Variants in COL20A1 observed in about 807,000 individuals in gnomAD.
COL20A1 encodes collagen alpha-1(XX) chain.
In COL20A1, 164 loss-of-function variants were observed where a neutral mutation model predicts 152.9. The ratio of observed to expected loss-of-function variants is 1.07; its 90% CI spans 0.94 to 1.22. COL20A1 has a LOEUF of 1.22. Ranked by LOEUF, COL20A1 falls within the 50% of genes most tolerant of loss-of-function variation. The pLI is 0.00. For missense variants in COL20A1, 1,873 were observed against 1,744.8 expected, an observed-to-expected ratio of 1.07 and a Z score of -1.31; for synonymous variants, 864 against 756.0, an observed-to-expected ratio of 1.14 and a Z score of -2.34.
At position 63,319,584 on chromosome 20, in the gene COL20A1, G is replaced by T. The variant is rs1010994825; in HGVS notation, c.2904G>T (p.Gly968=). 5 of 1,579,960 alleles carry T rather than the reference G, an allele frequency of 3.2e-6. No individual in the cohort carries two copies. The South Asian group carries it at 3.5e-5, about 11-fold the overall frequency. Residue 968 remains glycine, a synonymous_variant, in exon 23 of 36, where the codon GGG becomes GGT. Coordinates refer to ENST00000358894, the MANE Select transcript of COL20A1 (RefSeq NM_020882.4). This position sits in a 1 kb window ranked among gnomAD's most constrained non-coding sequence, Gnocchi z 4.4. ...AGGAAGTGAGGAAGATTTTCTTCGG[G>T]AGCTTCCACAAGGTCCTGGTGCAGC... The part of the protein sequence containing the change: ...DPQEVRKIFF[G]SFHKVHVAVG...
At chr20:63,309,697 G>T in intron 9 of COL20A1, 61 bp from the exon 10 acceptor site, 1 of 1,427,790 alleles carries the variant, frequency 7.0e-7, no homozygotes, top group Non-Finnish European at 9.4e-7. Context: ...CCACCAGGGG[G>T]AGCGTGGACA....
Position 63,311,260 on chromosome 20 carries a change from G to A in COL20A1, c.1394-134G>A. 1.0e-6 allele frequency: 1 copy of A among 1,004,114 alleles called. No homozygotes were observed. Among genetic ancestry groups the A allele is most frequent in the South Asian group, 1.7e-5 (1 of 58,542 alleles). The allele number at this position is 1,004,114 out of a possible 1,614,324, so 62.2% of individuals were successfully genotyped here. ...AAACCTTGGCCCAAGGTGAAGCCTGGGAAGTGCCACTTTGAATCCTGTGCA... is the reference window on the plus strand; with the variant it reads ...AAACCTTGGCCCAAGGTGAAGCCTGAGAAGTGCCACTTTGAATCCTGTGCA... On this transcript the variant is annotated intron_variant, in intron 11 of 35. Coordinates refer to ENST00000358894, the MANE Select transcript of COL20A1 (RefSeq NM_020882.4). The surrounding 1 kb of genome is among the most constrained non-coding windows in gnomAD (Gnocchi z 4.4).
chr20:63,315,415 C>G lies in COL20A1; in HGVS notation c.2500C>G (p.Leu834Val). Residue 834 changes from leucine (L) to valine (V), a missense_variant, in exon 20 of 36, where the codon CTC becomes GTC. Physicochemically the swap from Leu to Val is conservative, Grantham distance 32. Transcript: ENST00000358894. The stretch of plus-strand genomic sequence containing the variant: ...TCTCCTCTCAGCAGCCTGCCCAGCC[C>G]TCCGCCCTGACGGCTCCCTCCCAGG... ...SATGQTACPA[L>V]RPDGSLPGFD... The G allele has an allele frequency of 6.3e-7, 1 of 1,578,518 alleles. No individual in the cohort carries two copies. The highest frequency in any genetic ancestry group is 1.2e-5 in the South Asian group (1 of 86,324).
In COL20A1 at chr20:63,308,445, G is replaced by C. The variant is rs111607653; in HGVS notation, c.776-97G>C. Reference sequence around the variant, plus strand: ...CGGGGCCTCCTGATACCCCACAAGGGAAGGAGAGGAGCATCTCTGCTGTCC... The same window carrying C: ...CGGGGCCTCCTGATACCCCACAAGGCAAGGAGAGGAGCATCTCTGCTGTCC... On this transcript the variant is annotated intron_variant, in intron 7 of 35. Transcript: ENST00000358894. 2.5e-6 allele frequency: 3 copies of C among 1,209,836 alleles called. No homozygotes were observed. In the African/African-American group the frequency reaches 4.6e-5, roughly 19 times the overall value. 74.9% of individuals were successfully genotyped at this position (1,209,836 alleles called of 1,614,324 possible). A position where few individuals can be genotyped will look rare whatever the true frequency, so the allele number is the denominator to read the frequency against.
chr20:63,312,022 C>G lies in COL20A1; in HGVS notation c.1770C>G (p.Thr590=). Residue 590 remains threonine (T), a synonymous_variant, in exon 14 of 36, where the codon ACC becomes ACG. Transcript: ENST00000358894. ...GGCCTGTGCGCCTGGTCAGGGTCAC[C>G]TATGTGTCCAGCGAGGGTGGACACT... The part of the protein sequence containing the change: ...APRPVRLVRV[T]YVSSEGGHSG... 6.2e-7 allele frequency: 1 copy of G among 1,602,604 alleles called. No homozygotes were observed. The highest frequency in any genetic ancestry group is 1.8e-4 in the Middle Eastern group (1 of 5,412).
chr20:63,302,067 T>A (rs1267648988), intron 3 of COL20A1, among the ~76,000 whole-genome samples: 1 of 152,222 alleles, frequency 6.6e-6, no homozygotes, highest in East Asian at 1.9e-4. Context: ...GTTTTCATGA[T>A]GCAGCTTTCA....
intron 21 of COL20A1, among the ~76,000 whole-genome samples, chr20:63,318,720 C>T (rs1333953909): frequency 1.3e-5 from 2 of 152,124 alleles, no homozygotes; most frequent in Non-Finnish European, 2.9e-5. Context: ...GGGCCTGGCG[C>T]CTCCAAGTAC....
intron 1 of COL20A1, among the ~76,000 whole-genome samples, chr20:63,293,654 G>A (rs559953368): frequency 6.6e-6 from 1 of 152,140 alleles, no homozygotes; most frequent in South Asian, 2.1e-4. Flanking sequence ...CCAGGGACTT[G>A]GGGGCACTCG....
intron 11 of COL20A1, among the ~76,000 whole-genome samples, chr20:63,310,835 A>AC (rs1733695600): frequency 6.6e-6 from 1 of 151,430 alleles, no homozygotes; most frequent in Non-Finnish European, 1.5e-5. Flanking sequence ...GGGTTCTTGG[A>AC]CCCCCAGGGA....
chr20:63,311,605 G>T lies in COL20A1; in HGVS notation c.1540-20G>T, dbSNP rs1006356216. 2 of 1,610,510 alleles carry T rather than the reference G, an allele frequency of 1.2e-6. No homozygotes were observed. The highest frequency in any genetic ancestry group is 3.3e-5 in the Admixed American group (2 of 59,976). ...GGGCAGAGCGAGTGGGGGCTGGCCTGGGACGTCATGTCTCTGCAGGTGCAG... is the reference window on the plus strand; with the variant it reads ...GGGCAGAGCGAGTGGGGGCTGGCCTTGGACGTCATGTCTCTGCAGGTGCAG... On this transcript the variant is annotated intron_variant, in intron 12 of 35. Transcript: ENST00000358894. The surrounding 1 kb of genome is among the most constrained non-coding windows in gnomAD (Gnocchi z 4.4).
Position 63,325,538 on chromosome 20 carries a change from G to C in COL20A1, c.3348+44G>C, listed in dbSNP as rs1337787271. On this transcript the variant is annotated intron_variant, in intron 28 of 35. Coordinates refer to ENST00000358894, the MANE Select transcript of COL20A1 (RefSeq NM_020882.4). ...GGGGGCCACAGGGGTTGGTGGGGGTGGGGGAAGGACAGGGATGGAGATGGG... is the reference window on the plus strand; with the variant it reads ...GGGGGCCACAGGGGTTGGTGGGGGTCGGGGAAGGACAGGGATGGAGATGGG... 1.9e-6 allele frequency: 3 copies of C among 1,589,972 alleles called. No individual in the cohort carries two copies. The Admixed American group carries it at 5.0e-5, about 27-fold the overall frequency.
intron 6 of COL20A1, 77 bp downstream of exon 6, chr20:63,307,725 G>C: frequency 6.6e-7 from 1 of 1,508,376 alleles, no homozygotes; most frequent in Non-Finnish European, 9.0e-7. Context: ...GCTGTGACCT[G>C]TGGGGGTCCC....
Position 63,311,806 on chromosome 20 carries a change from G to C in COL20A1, c.1663+58G>C. On this transcript the variant is annotated intron_variant, in intron 13 of 35. Transcript: ENST00000358894. This position sits in a 1 kb window ranked among gnomAD's most constrained non-coding sequence, Gnocchi z 4.4. ...GGCGGGTGCCCCATCTTGTTCCTCA[G>C]CCTTCCATGGCATGGGAGACCTCAG... 1.3e-6 allele frequency: 2 copies of C among 1,541,608 alleles called. No homozygotes were observed. Among genetic ancestry groups the C allele is most frequent in the Non-Finnish European group, 1.7e-6 (2 of 1,149,300 alleles).
At chr20:63,307,788 G>T in intron 6 of COL20A1, 140 bp downstream of exon 6, 1 of 1,188,272 alleles carries the variant, frequency 8.4e-7, no homozygotes. Context: ...TCCACATGGG[G>T]TGTTCTGGGG....
chr20:63,310,312 A>C, intron 10 of COL20A1, 69 bp from the exon 11 acceptor site: 4 of 1,547,682 alleles, frequency 2.6e-6, no homozygotes, highest in Non-Finnish European at 3.5e-6. Context: ...CAGCTGACGG[A>C]GTTCCTGTCC....
chr20:63,300,987 C>T (rs2067856183), intron 3 of COL20A1, among the ~76,000 whole-genome samples: 1 of 152,158 alleles, frequency 6.6e-6, no homozygotes, highest in South Asian at 2.1e-4. Context: ...TGCATTGTGG[C>T]CAGAAATGTA....
chr20:63,293,980 A>G lies in COL20A1; in HGVS notation c.-11+705A>G, dbSNP rs1016946029. 7.4e-4 allele frequency among the ~76,000 whole-genome samples: 108 copies of G among 145,596 alleles called. 1 individual carries two copies. The highest frequency in any genetic ancestry group is 1.2e-3 in the Non-Finnish European group (82 of 66,154). On this transcript the variant is annotated intron_variant, in intron 1 of 35. Transcript: ENST00000358894. ...GTGGGAGGCTGGGGCTCACAGAACCAGGGCCTGCACTCAAGCCATGCCCTC... is the reference window on the plus strand; with the variant it reads ...GTGGGAGGCTGGGGCTCACAGAACCGGGGCCTGCACTCAAGCCATGCCCTC...
chr20:63,298,489 C>T (rs535545972), intron 3 of COL20A1, among the ~76,000 whole-genome samples: 3 of 152,228 alleles, frequency 2.0e-5, no homozygotes, highest in Admixed American at 6.5e-5. Flanking sequence ...AGAGGTTTCA[C>T]CATGTTGCCC....
In COL20A1 at chr20:63,314,171, A is replaced by T; in HGVS notation, c.2458A>T (p.Ser820Cys). ...LVSAIYAAGRSEAVSATGQTA... is the reference protein window; with the variant it reads ...LVSAIYAAGRCEAVSATGQTA... ...CTCAGCTATCTATGCAGCAGGCAGG[A>T]GTGAGGCTGTGTCTGCCACGGGCCA... Residue 820 changes from serine to cysteine, a missense_variant, in exon 19 of 36, where the codon AGT becomes TGT. Coordinates refer to ENST00000358894, the MANE Select transcript of COL20A1 (RefSeq NM_020882.4). 6.3e-7 allele frequency: 1 copy of T among 1,580,016 alleles called. No individual in the cohort carries two copies. Among genetic ancestry groups the T allele is most frequent in the Non-Finnish European group, 8.6e-7 (1 of 1,163,464 alleles).
Sources: gnomAD v4.1 joint callset for allele counts (sites outside exome capture counted in the v4.1 genomes callset) on GRCh38, gnomAD v4.1.1 for gene constraint, Gnocchi (gnomAD v3.1) non-coding constraint, MANE v1.5 for transcripts, NCBI Gene and HGNC (gene_info 2026-07-23, HGNC 2026-07-21) for gene names.